Variants in CLSTN2 observed in about 807,000 individuals in gnomAD.
CLSTN2 encodes calsyntenin 2.
CLSTN2 carries 48 observed loss-of-function variants against 101.2 expected under a neutral mutation model. That is an observed-to-expected ratio of 0.47 (90% CI 0.38 to 0.60). The LOEUF is 0.60. Ranked by LOEUF, CLSTN2 falls within the 20% of genes least tolerant of loss-of-function variation. The pLI is 0.00. For synonymous variants in CLSTN2, 481 were observed against 463.6 expected (o/e 1.04, Z -0.48); for missense variants, 1,160 against 1,238.2 (o/e 0.94, Z 0.95).
At chr3:140,241,372 G>A (rs930973711) in intron 2 of CLSTN2, among the ~76,000 whole-genome samples, 1 of 152,152 alleles carries the variant, frequency 6.6e-6, no homozygotes, top group African/African-American at 2.4e-5. Context: ...TATCCATGTT[G>A]GATGAGGGAG....
chr3:140,441,449 A>G (rs1218509717), intron 5 of CLSTN2, among the ~76,000 whole-genome samples: 1 of 152,172 alleles, frequency 6.6e-6, no homozygotes. Context: ...AGCATTTCAC[A>G]TTTATCATCT....
At chr3:140,243,412 T>C (rs1253606438) in intron 2 of CLSTN2, among the ~76,000 whole-genome samples, 1 of 152,250 alleles carries the variant, frequency 6.6e-6, no homozygotes, top group Non-Finnish European at 1.5e-5. Context: ...CTTGGTGTCC[T>C]GAGACATCTG....
At chr3:140,151,045 T>C (rs1345623014) in intron 1 of CLSTN2, among the ~76,000 whole-genome samples, 3 of 152,086 alleles carry the variant, frequency 2.0e-5, no homozygotes, top group Non-Finnish European at 2.9e-5. Context: ...GGCCTGTACC[T>C]GCCCTGTACC....
At chr3:139,982,328 G>A (rs1249928163) in intron 1 of CLSTN2, among the ~76,000 whole-genome samples, 2 of 151,502 alleles carry the variant, frequency 1.3e-5, no homozygotes, top group African/African-American at 4.8e-5. Flanking sequence ...ATTTATACTT[G>A]TGAATGATAG....
intron 1 of CLSTN2, among the ~76,000 whole-genome samples, chr3:140,026,428 G>T (rs913721345): frequency 1.3e-5 from 2 of 152,110 alleles, no homozygotes; most frequent in African/African-American, 4.8e-5. Context: ...GTGTCCCAAG[G>T]CTCAGGAAGC....
At chr3:140,380,537 C>A (rs1163710391) in intron 2 of CLSTN2, among the ~76,000 whole-genome samples, 1 of 152,154 alleles carries the variant, frequency 6.6e-6, no homozygotes, top group African/African-American at 2.4e-5. Context: ...CAATTATTTT[C>A]ATTTCTTCTT....
intron 8 of CLSTN2, among the ~76,000 whole-genome samples, chr3:140,530,021 A>G (rs1162515135): frequency 6.6e-6 from 1 of 152,252 alleles, no homozygotes; most frequent in African/African-American, 2.4e-5. Context: ...CATTGATAAT[A>G]TGTATCAAGA....
intron 10 of CLSTN2, among the ~76,000 whole-genome samples, chr3:140,553,719 C>A (rs1323544017): frequency 6.6e-6 from 1 of 152,200 alleles, no homozygotes; most frequent in Non-Finnish European, 1.5e-5. Context: ...CTTTCAGGAT[C>A]TTTCACTGCC....
At chr3:140,069,940 G>T (rs2008363282) in intron 1 of CLSTN2, among the ~76,000 whole-genome samples, 2 of 152,208 alleles carry the variant, frequency 1.3e-5, no homozygotes, top group African/African-American at 4.8e-5. Flanking sequence ...GTTAGGGAAA[G>T]TTGTTTGAGA....
In CLSTN2 at chr3:140,566,332, C is replaced by A; in HGVS notation, c.*79C>A. The stretch of plus-strand genomic sequence containing the variant: ...GTGTATGCCCATGTCTATCATACCT[C>A]ACCTCTGATGTCTGTGACATGTCTG... On this transcript the variant is annotated 3_prime_UTR_variant, in exon 17 of 17. Coordinates refer to ENST00000458420, the MANE Select transcript of CLSTN2 (RefSeq NM_022131.3). 7.3e-7 allele frequency: 1 copy of A among 1,367,530 alleles called. No individual in the cohort carries two copies. The highest frequency in any genetic ancestry group is 1.0e-6 in the Non-Finnish European group (1 of 984,974). 84.7% of individuals were successfully genotyped at this position (1,367,530 alleles called of 1,614,324 possible). A position where few individuals can be genotyped will look rare whatever the true frequency, so the allele number is the denominator to read the frequency against.
At chr3:140,091,075 G>C (rs1402609329) in intron 1 of CLSTN2, among the ~76,000 whole-genome samples, 1 of 152,126 alleles carries the variant, frequency 6.6e-6, no homozygotes, top group Non-Finnish European at 1.5e-5. Context: ...GAGGTTGGTG[G>C]CTTTCTAGAG....
chr3:140,398,995 AG>A (rs2088213016), intron 2 of CLSTN2, among the ~76,000 whole-genome samples: 1 of 152,148 alleles, frequency 6.6e-6, no homozygotes, highest in African/African-American at 2.4e-5. Flanking sequence ...CTGGCCCTGA[AG>A]GGGGCTCTTG....
At chr3:140,152,762 G>T (rs2009887538) in intron 1 of CLSTN2, among the ~76,000 whole-genome samples, 1 of 152,104 alleles carries the variant, frequency 6.6e-6, no homozygotes. Context: ...TATAATTTCT[G>T]CTTTACAGGT....
At chr3:140,194,082 A>T (rs1023808547) in intron 2 of CLSTN2, among the ~76,000 whole-genome samples, 1 of 152,074 alleles carries the variant, frequency 6.6e-6, no homozygotes, top group Non-Finnish European at 1.5e-5. Context: ...ATGTGTTTTT[A>T]TCATGGCTAC....
At chr3:139,962,727 T>A (rs1322463649) in intron 1 of CLSTN2, among the ~76,000 whole-genome samples, 1 of 152,216 alleles carries the variant, frequency 6.6e-6, no homozygotes, top group Non-Finnish European at 1.5e-5. Context: ...GCATTAATAG[T>A]TCATTCTTTT....
chr3:140,534,756 A>G (rs1278766060), intron 9 of CLSTN2, among the ~76,000 whole-genome samples: 1 of 148,774 alleles, frequency 6.7e-6, no homozygotes. Context: ...ATCTAACTAC[A>G]TCAGGGCAAG....
chr3:140,080,619 C>T, intron 1 of CLSTN2, among the ~76,000 whole-genome samples: 1 of 152,106 alleles, frequency 6.6e-6, no homozygotes, highest in East Asian at 1.9e-4. Context: ...CTCTGCTTCC[C>T]CCTATTATTT....
chr3:140,252,642 CA>C (rs767804318), intron 2 of CLSTN2, among the ~76,000 whole-genome samples: 4 of 152,190 alleles, frequency 2.6e-5, no homozygotes, highest in Non-Finnish European at 5.9e-5. Flanking sequence ...TGCATGTTGA[CA>C]AGCTCTCTGG....
chr3:140,474,710 A>C (rs1315730667), intron 8 of CLSTN2, among the ~76,000 whole-genome samples: 1 of 152,134 alleles, frequency 6.6e-6, no homozygotes, highest in Non-Finnish European at 1.5e-5. Context: ...AACCCACTTT[A>C]CCCAGCCAAT....
Sources: allele counts gnomAD v4.1 joint callset (sites outside exome capture counted in the v4.1 genomes callset), GRCh38; gene constraint gnomAD v4.1.1; transcripts MANE v1.5; gene names NCBI Gene and HGNC (gene_info 2026-07-23, HGNC 2026-07-21).